The following ATP10B variants were observed in gnomAD, a reference collection of about 807,000 sequenced individuals.
ATP10B encodes the protein ATPase phospholipid transporting 10B (putative), also known as phospholipid-transporting ATPase VB.
A neutral mutation model predicts 141.2 loss-of-function variants in ATP10B; 122 were observed. That is an observed-to-expected ratio of 0.86 (90% CI 0.75 to 1.00). The LOEUF is 1.00. Ranked by LOEUF, ATP10B falls within the 50% of genes least tolerant of loss-of-function variation. The pLI is 0.00. For missense variants in ATP10B, 1,876 were observed against 1,825.3 expected, an observed-to-expected ratio of 1.03 and a Z score of -0.51; for synonymous variants, 685 against 692.0, an observed-to-expected ratio of 0.99 and a Z score of 0.16.
chr5:160,687,802 A>G lies in ATP10B; in HGVS notation c.273T>C (p.His91=), dbSNP rs201323716. 1.9e-5 allele frequency: 30 copies of G among 1,613,314 alleles called. No homozygotes were observed. In the South Asian group the frequency reaches 2.5e-4, roughly 14 times the overall value. ...TGTTCAGACAAGTGGATCTCTACCTATGAAATTGCTCAAAGAGATTCCGGG... is the reference window on the plus strand; with the variant it reads ...TGTTCAGACAAGTGGATCTCTACCTGTGAAATTGCTCAAAGAGATTCCGGG... ...FLPRNLFEQF[H]RWANLYFLFL... The change falls in exon 5 of 26, where the codon CAT becomes CAC. Residue 91 remains histidine, a splice_region_variant and synonymous_variant. Transcript: ENST00000327245.
intron 1 of ATP10B, among the ~76,000 whole-genome samples, chr5:160,850,676 G>T (rs937631214): frequency 6.6e-6 from 1 of 152,122 alleles, no homozygotes; most frequent in African/African-American, 2.4e-5. Context: ...AGCACGAGAG[G>T]AGTATGATTT....
At chr5:160,638,659 T>C (rs1759603619) in intron 10 of ATP10B, among the ~76,000 whole-genome samples, 1 of 152,174 alleles carries the variant, frequency 6.6e-6, no homozygotes, top group African/African-American at 2.4e-5. Context: ...TCTGAGCCCC[T>C]ATGAAGCTCT....
At chr5:160,741,474 T>C (rs549019668) in intron 2 of ATP10B, among the ~76,000 whole-genome samples, 2 of 152,310 alleles carry the variant, frequency 1.3e-5, no homozygotes, top group South Asian at 4.1e-4. Context: ...CCTTCAGTGA[T>C]GGTTTCAAGC....
chr5:160,753,071 C>T (rs960650073), intron 2 of ATP10B, among the ~76,000 whole-genome samples: 1 of 152,152 alleles, frequency 6.6e-6, no homozygotes, highest in African/African-American at 2.4e-5. Flanking sequence ...AATTAAATTA[C>T]TGAACCCATT....
At chr5:160,610,764 A>C (rs1304829589) in intron 18 of ATP10B, among the ~76,000 whole-genome samples, 2 of 152,196 alleles carry the variant, frequency 1.3e-5, no homozygotes, top group African/African-American at 4.8e-5. Context: ...CAATAGCAAT[A>C]ATAGTGGTTT....
chr5:160,823,242 A>G lies in ATP10B; in HGVS notation c.-576+28699T>C, dbSNP rs183187531. On this transcript the variant is annotated intron_variant, in intron 1 of 25. Transcript: ENST00000327245. Reference sequence around the variant, plus strand: ...GAATGAAATCATGTCCTTTGCAGGAATATGGGTGGAGCTGGAAACCATTAT... The same window carrying G: ...GAATGAAATCATGTCCTTTGCAGGAGTATGGGTGGAGCTGGAAACCATTAT... Among the ~76,000 whole-genome samples, 299 of 152,032 alleles carry G rather than the reference A, an allele frequency of 2.0e-3. 2 individuals are homozygous for G. Among genetic ancestry groups the G allele is most frequent in the African/African-American group, 6.1e-3 (253 of 41,486 alleles).
upstream of ATP10B, among the ~76,000 whole-genome samples, chr5:160,856,443 C>T (rs539485168): frequency 8.5e-4 from 129 of 151,866 alleles, no homozygotes; most frequent in African/African-American, 2.9e-3. Context: ...ATCATGTCAC[C>T]TGCAAATAGA....
chr5:160,836,090 T>A (rs973928677), intron 1 of ATP10B, among the ~76,000 whole-genome samples: 2 of 151,922 alleles, frequency 1.3e-5, no homozygotes, highest in African/African-American at 4.8e-5. Context: ...GACATTAGAT[T>A]CAAAAGAATG....
intron 9 of ATP10B, among the ~76,000 whole-genome samples, chr5:160,643,304 A>T (rs557838085): frequency 7.9e-5 from 12 of 152,348 alleles, no homozygotes; most frequent in Non-Finnish European, 1.5e-5. Context: ...GCAATAAGCA[A>T]ACTATTCCAA....
At chr5:160,878,668 T>A in the ATP10B span, among the ~76,000 whole-genome samples, 1 of 152,112 alleles carries the variant, frequency 6.6e-6, no homozygotes, top group Non-Finnish European at 1.5e-5. Flanking sequence ...CAATCTACAA[T>A]GAACTCAAAC....
intron 2 of ATP10B, among the ~76,000 whole-genome samples, chr5:160,783,892 A>G (rs1277567804): frequency 6.6e-6 from 1 of 151,976 alleles, no homozygotes; most frequent in East Asian, 1.9e-4. Flanking sequence ...CCAAGCCAAC[A>G]TTTATTGTTT....
intron 1 of ATP10B, among the ~76,000 whole-genome samples, chr5:160,804,682 T>C (rs1772648840): frequency 1.3e-5 from 2 of 152,256 alleles, no homozygotes; most frequent in South Asian, 4.1e-4. Flanking sequence ...CAGTGGGGAC[T>C]GTGAGCTCCA....
At chr5:160,905,973 A>G in the ATP10B span, among the ~76,000 whole-genome samples, 1 of 152,140 alleles carries the variant, frequency 6.6e-6, no homozygotes, top group African/African-American at 2.4e-5. Flanking sequence ...AAAGACTTAC[A>G]AATTTCCAGA....
At chr5:160,890,181 G>A in the ATP10B span, among the ~76,000 whole-genome samples, 1 of 152,192 alleles carries the variant, frequency 6.6e-6, no homozygotes, top group Admixed American at 6.5e-5. Flanking sequence ...ATCCTAATAA[G>A]TAATCTAATA....
At chr5:160,894,076 C>T in the ATP10B span, among the ~76,000 whole-genome samples, 7 of 152,040 alleles carry the variant, frequency 4.6e-5, no homozygotes, top group African/African-American at 1.4e-4. Context: ...GATAAATCCA[C>T]GAAGATGAAG....
chr5:160,577,934 T>C (rs73819432), intron 24 of ATP10B, among the ~76,000 whole-genome samples: 2,767 of 152,268 alleles, frequency 0.018, 86 homozygotes, highest in African/African-American at 0.062. Context: ...TAAAAGTTTC[T>C]ATACCCCTTC....
At chr5:160,715,270 C>T (rs1490399231) in intron 3 of ATP10B, among the ~76,000 whole-genome samples, 1 of 127,570 alleles carries the variant, frequency 7.8e-6, no homozygotes, top group Non-Finnish European at 1.7e-5. Flanking sequence ...CAGCGAGATT[C>T]CGTGGGCGTA....
intron 6 of ATP10B, among the ~76,000 whole-genome samples, chr5:160,677,999 G>A (rs560086415): frequency 8.7e-4 from 133 of 152,166 alleles, no homozygotes; most frequent in Non-Finnish European, 1.6e-3. Flanking sequence ...GAGGCTATGA[G>A]CCAGATGAGG....
chr5:160,909,271 A>T, the ATP10B span, among the ~76,000 whole-genome samples: 1 of 152,136 alleles, frequency 6.6e-6, no homozygotes, highest in Non-Finnish European at 1.5e-5. Context: ...GGAAGGTAAG[A>T]CACAGCCAAT....
Sources: allele counts gnomAD v4.1 joint callset (sites outside exome capture counted in the v4.1 genomes callset), GRCh38; gene constraint gnomAD v4.1.1; transcripts MANE v1.5; gene names NCBI Gene and HGNC (gene_info 2026-07-23, HGNC 2026-07-21).